SCARB2: variants seen among roughly 807,000 people sequenced by gnomAD.
SCARB2 encodes the protein lysosome membrane protein 2.
SCARB2 carries 29 observed loss-of-function variants against 58.6 expected under a neutral mutation model. The observed-to-expected ratio is 0.49, with a 90% CI of 0.37 to 0.67. The LOEUF is 0.67. Ranked by LOEUF, SCARB2 falls within the 30% of genes least tolerant of loss-of-function variation. The probability of loss-of-function intolerance (pLI) is 0.00; values close to 1 mark genes in which losing one functional copy is unlikely to be tolerated. For missense variants in SCARB2, 488 were observed against 578.5 expected (o/e 0.84, Z 1.60); for synonymous variants, 195 against 210.1 (o/e 0.93, Z 0.62).
chr4:76,168,350 A>G, intron 9 of SCARB2, 53 bp downstream of exon 9: 1 of 1,367,406 alleles, frequency 7.3e-7, no homozygotes, highest in Non-Finnish European at 1.0e-6. Context: ...ACCCCACCAG[A>G]CGGGCAATGG....
chr4:76,186,621 T>C (rs1288963647), intron 2 of SCARB2, among the ~76,000 whole-genome samples: 1 of 152,114 alleles, frequency 6.6e-6, no homozygotes, highest in Non-Finnish European at 1.5e-5. Context: ...TTGTTGACAG[T>C]GTGCAAGAAA....
At chr4:76,222,400 T>C (rs1733325262) in intron 1 of SCARB2, among the ~76,000 whole-genome samples, 1 of 152,180 alleles carries the variant, frequency 6.6e-6, no homozygotes, top group African/African-American at 2.4e-5. Context: ...CTAATTTTTG[T>C]ATTTTTTAGT....
At position 76,169,973 on chromosome 4, in the gene SCARB2, A is replaced by C; in HGVS notation, c.1007T>G (p.Ile336Ser). The C allele has an allele frequency of 1.2e-6, 2 of 1,613,566 alleles. No individual in the cohort carries two copies. Among genetic ancestry groups the C allele is most frequent in the Non-Finnish European group, 8.5e-7 (1 of 1,179,546 alleles). The change falls in exon 8 of 12, where the codon ATT becomes AGT. Residue 336 changes from isoleucine to serine, a missense_variant. Transcript: ENST00000264896. ...VSICKNGAPI[I>S]MSFPHFYQAD... ...TTGGTAAAAGTGTGGGAAAGACATA[A>C]TGATGGGTGCACCTGCATTTGAAGG... is the stretch of plus-strand genomic sequence containing the variant.
chr4:76,191,552 C>G (rs560906352), intron 2 of SCARB2, among the ~76,000 whole-genome samples: 4 of 152,114 alleles, frequency 2.6e-5, no homozygotes, highest in Non-Finnish European at 5.9e-5. Flanking sequence ...CCTGCTCCCC[C>G]TCTCTTACTT....
chr4:76,194,006 C>T (rs1223766200), intron 2 of SCARB2: 1 of 152,192 alleles, frequency 6.6e-6, no homozygotes, highest in Non-Finnish European at 1.5e-5. Flanking sequence ...GGGAGGATCC[C>T]TCAAGGTTTG....
At chr4:76,187,882 T>C (rs1732521300) in intron 2 of SCARB2, among the ~76,000 whole-genome samples, 1 of 152,092 alleles carries the variant, frequency 6.6e-6, no homozygotes, top group African/African-American at 2.4e-5. Context: ...GTATATATTA[T>C]ATATGTTGAT....
chr4:76,217,029 C>T (rs995986841), upstream of SCARB2, among the ~76,000 whole-genome samples: 3 of 152,150 alleles, frequency 2.0e-5, no homozygotes, highest in Non-Finnish European at 4.4e-5. Flanking sequence ...ACACAAAGCC[C>T]CAAAATCCAG....
intron 1 of SCARB2, among the ~76,000 whole-genome samples, chr4:76,230,997 C>T (rs1733483888): frequency 6.6e-6 from 1 of 152,116 alleles, no homozygotes. Flanking sequence ...GTTTTCTTTC[C>T]TAGGGCTTTG....
chr4:76,185,591 A>C (rs1003098496), intron 2 of SCARB2, among the ~76,000 whole-genome samples: 5 of 152,228 alleles, frequency 3.3e-5, no homozygotes, highest in African/African-American at 1.2e-4. Context: ...ATAATTTTAG[A>C]AACAATAGAC....
chr4:76,171,688 T>C (rs796328852), intron 7 of SCARB2, among the ~76,000 whole-genome samples: 3 of 152,002 alleles, frequency 2.0e-5, no homozygotes, highest in African/African-American at 7.3e-5. Flanking sequence ...ACATTTTTGC[T>C]TTGAGCCAGA....
intron 2 of SCARB2, among the ~76,000 whole-genome samples, chr4:76,183,598 G>C (rs1732428815): frequency 6.6e-6 from 1 of 152,196 alleles, no homozygotes; most frequent in African/African-American, 2.4e-5. Flanking sequence ...CCCATGTTTG[G>C]TTCTCTGGAA....
intron 1 of SCARB2, among the ~76,000 whole-genome samples, chr4:76,211,361 T>G (rs9683533): frequency 6.6e-6 from 1 of 151,738 alleles, no homozygotes; most frequent in African/African-American, 2.4e-5. Context: ...CCAAGTAAGT[T>G]ATTTGACGTA....
intron 1 of SCARB2, among the ~76,000 whole-genome samples, chr4:76,198,813 G>C (rs1400358330): frequency 6.6e-6 from 1 of 151,398 alleles, no homozygotes; most frequent in Non-Finnish European, 1.5e-5. Flanking sequence ...GTCAATCCCA[G>C]AGTAGATCAC....
At chr4:76,183,508 G>A (rs1732427146) in intron 2 of SCARB2, among the ~76,000 whole-genome samples, 2 of 152,224 alleles carry the variant, frequency 1.3e-5, no homozygotes, top group African/African-American at 4.8e-5. Context: ...TACAGATGAA[G>A]AGATGCACTG....
At chr4:76,226,122 A>C (rs925511071) in intron 1 of SCARB2, among the ~76,000 whole-genome samples, 4 of 152,114 alleles carry the variant, frequency 2.6e-5, no homozygotes, top group African/African-American at 9.7e-5. Context: ...CAAAGGAATG[A>C]GACAAGACAA....
intron 1 of SCARB2, among the ~76,000 whole-genome samples, chr4:76,219,878 T>C (rs896827699): frequency 5.3e-5 from 8 of 152,228 alleles, no homozygotes; most frequent in Non-Finnish European, 1.0e-4. Context: ...AGAAGCCTCC[T>C]ATACTCATCA....
chr4:76,202,493 T>G (rs552590270), intron 1 of SCARB2, among the ~76,000 whole-genome samples: 15 of 152,318 alleles, frequency 9.8e-5, no homozygotes, highest in Admixed American at 2.6e-4. Context: ...ACTCCTGATC[T>G]CAGGTGATCT....
At position 76,174,299 on chromosome 4, in the gene SCARB2, G is replaced by T. The variant is rs768765087; in HGVS notation, c.839C>A (p.Thr280Asn). 4 of 1,614,134 alleles carry T rather than the reference G, an allele frequency of 2.5e-6. No homozygotes were observed. The highest frequency in any genetic ancestry group is 3.4e-6 in the Non-Finnish European group (4 of 1,179,972). The change falls in exon 7 of 12, where the codon ACT becomes AAT. Residue 280 changes from threonine to asparagine, a missense_variant. Transcript: ENST00000264896. ...CTGTACACTCTCATAGTCACTGAAA[G>T]TAATATACACTGACCTGTTAGGATG... Reference protein sequence around the residue: ...PSDFCRSVYITFSDYESVQGL... With the variant: ...PSDFCRSVYINFSDYESVQGL...
At chr4:76,169,314 T>TTA (rs1420075659) in intron 8 of SCARB2, among the ~76,000 whole-genome samples, 6 of 119,286 alleles carry the variant, frequency 5.0e-5, no homozygotes, top group Non-Finnish European at 1.0e-4. Flanking sequence ...TAAATGTGTA[T>TTA]TATACACACA....
Sources: gnomAD v4.1 joint callset for allele counts (sites outside exome capture counted in the v4.1 genomes callset) on GRCh38, gnomAD v4.1.1 for gene constraint, MANE v1.5 for transcripts, NCBI Gene and HGNC (gene_info 2026-07-23, HGNC 2026-07-21) for gene names.